Variants in NFX1 observed in about 807,000 individuals in gnomAD.
NFX1 encodes the protein nuclear transcription factor, X-box binding 1.
In NFX1, 69 loss-of-function variants were observed where a neutral mutation model predicts 137.2. The observed-to-expected ratio is 0.50, with a 90% CI of 0.41 to 0.61. NFX1 has a LOEUF of 0.61. Ranked by LOEUF, NFX1 falls within the 20% of genes least tolerant of loss-of-function variation. The pLI is 0.00. For synonymous variants in NFX1, 495 were observed against 474.1 expected, an observed-to-expected ratio of 1.04 and a Z score of -0.57; for missense variants, 1,167 against 1,391.0, an observed-to-expected ratio of 0.84 and a Z score of 2.56.
At chr9:33,309,799 T>C (rs971182048) in intron 5 of NFX1, among the ~76,000 whole-genome samples, 2 of 152,144 alleles carry the variant, frequency 1.3e-5, no homozygotes, top group African/African-American at 4.8e-5. Flanking sequence ...GGTGTGAACA[T>C]CAATATTTTT....
intron 15 of NFX1, among the ~76,000 whole-genome samples, chr9:33,347,438 ATGT>A (rs1823465261): frequency 6.6e-6 from 1 of 152,072 alleles, no homozygotes. Flanking sequence ...CTGAAAACCA[ATGT>A]TGTCTGTTCC....
chr9:33,290,776 G>T (rs1821128743), intron 1 of NFX1, among the ~76,000 whole-genome samples, 179 bp downstream of exon 1: 1 of 152,264 alleles, frequency 6.6e-6, no homozygotes. Context: ...TGTCTTCTTG[G>T]ACTAGATGGT....
chr9:33,292,797 C>T (rs1217422630), intron 1 of NFX1, among the ~76,000 whole-genome samples: 1 of 152,230 alleles, frequency 6.6e-6, no homozygotes, highest in Non-Finnish European at 1.5e-5. Context: ...CTAGGCTTCT[C>T]TAGACATCTT....
At chr9:33,291,896 T>C (rs1421664307) in intron 1 of NFX1, among the ~76,000 whole-genome samples, 2 of 152,054 alleles carry the variant, frequency 1.3e-5, no homozygotes, top group African/African-American at 4.8e-5. Flanking sequence ...GAGTGTGACT[T>C]CGTCTCAAAA....
At position 33,354,674 on chromosome 9, in the gene NFX1, A is replaced by G. The variant is rs914658632; in HGVS notation, c.2832-177A>G. ...CTGGGGAAATGGTATTTCTAGGGCA[A>G]GGTTACTAATGGAAACTGAAGAGCA... On this transcript the variant is annotated intron_variant, in intron 18 of 23. Coordinates refer to ENST00000379540, the MANE Select transcript of NFX1 (RefSeq NM_002504.6). Among the ~76,000 whole-genome samples, 7 of 152,264 alleles carry G rather than the reference A, an allele frequency of 4.6e-5. No individual in the cohort carries two copies. The East Asian group carries it at 1.4e-3, about 29-fold the overall frequency.
intron 9 of NFX1, 112 bp from the exon 10 acceptor site, chr9:33,328,469 G>A (rs1564123829): frequency 1.4e-6 from 1 of 719,156 alleles, no homozygotes; most frequent in Non-Finnish European, 2.5e-6. Context: ...CCTCAACTCT[G>A]ATTCTGGAGT....
chr9:33,297,826 G>A (rs1365281230), intron 2 of NFX1, among the ~76,000 whole-genome samples: 1 of 152,144 alleles, frequency 6.6e-6, no homozygotes, highest in Admixed American at 6.5e-5. Context: ...ACTTCTGTTT[G>A]ATTTTCAACT....
chr9:33,317,663 T>TA (rs34181227), intron 7 of NFX1, among the ~76,000 whole-genome samples: 4,322 of 144,714 alleles, frequency 0.03, 183 homozygotes, highest in African/African-American at 0.097. Context: ...ATCCTGTCTT[T>TA]AAAAAAAAAA....
intron 7 of NFX1, among the ~76,000 whole-genome samples, chr9:33,314,938 GA>G (rs1006821997): frequency 2.0e-5 from 3 of 151,962 alleles, no homozygotes; most frequent in South Asian, 4.1e-4. Flanking sequence ...ACATCAATGG[GA>G]AAAAAAGTAG....
intron 11 of NFX1, among the ~76,000 whole-genome samples, chr9:33,337,860 C>A (rs1202581891): frequency 6.6e-6 from 1 of 151,888 alleles, no homozygotes; most frequent in Non-Finnish European, 1.5e-5. Context: ...ACCAGCCTGG[C>A]CAACATGGCG....
At chr9:33,361,265 A>C (rs901766118) in intron 19 of NFX1, among the ~76,000 whole-genome samples, 1 of 152,216 alleles carries the variant, frequency 6.6e-6, no homozygotes, top group African/African-American at 2.4e-5. Flanking sequence ...AGAAATGCTA[A>C]CAAGATAATG....
Position 33,364,852 on chromosome 9 carries a change from A to G in NFX1, c.3039+78A>G, listed in dbSNP as rs762175151. ...AAAAAAAAGCAATCAAGTCCTGGAA[A>G]CACTTTCAACCTAGAGTAGTTGTAG... On this transcript the variant is annotated intron_variant, in intron 21 of 23. Coordinates refer to ENST00000379540, the MANE Select transcript of NFX1 (RefSeq NM_002504.6). The G allele has an allele frequency of 3.2e-6, 5 of 1,576,626 alleles. No individual in the cohort carries two copies. In the East Asian group the frequency reaches 9.2e-5, roughly 29 times the overall value.
At chr9:33,319,338 A>G (rs1303358034) in intron 9 of NFX1, among the ~76,000 whole-genome samples, 2 of 152,118 alleles carry the variant, frequency 1.3e-5, no homozygotes, top group African/African-American at 4.8e-5. Context: ...TGATTCAGGT[A>G]TTTTATTGTT....
intron 19 of NFX1, among the ~76,000 whole-genome samples, chr9:33,362,459 C>T (rs1426284875): frequency 2.0e-5 from 3 of 152,026 alleles, no homozygotes. Context: ...CTGTCATTTG[C>T]AACAACATGG....
chr9:33,295,201 T>A lies in NFX1; in HGVS notation c.807T>A (p.His269Gln). 1 of 1,613,936 alleles carries A rather than the reference T, an allele frequency of 6.2e-7. No homozygotes were observed. Among genetic ancestry groups the A allele is most frequent in the Non-Finnish European group, 8.5e-7 (1 of 1,179,994 alleles). ...RNPPKQEGHR[H>Q]TNAGHRNNMG... ...CACCAAAACAGGAGGGCCACCGACA[T>A]ACAAACGCAGGACACAGAAACAACA... The change falls in exon 2 of 24, where the codon CAT (histidine) becomes CAA (glutamine). Residue 269 changes from histidine (H) to glutamine (Q), a missense_variant. By Grantham distance (24) the His-to-Gln change is conservative. Transcript: ENST00000379540.
chr9:33,316,033 T>TC (rs1822150912), intron 7 of NFX1, among the ~76,000 whole-genome samples: 1 of 152,186 alleles, frequency 6.6e-6, no homozygotes, highest in Non-Finnish European at 1.5e-5. Flanking sequence ...ATTAAATGTG[T>TC]CCTGATTATT....
chr9:33,322,810 A>G (rs924477484), intron 9 of NFX1, among the ~76,000 whole-genome samples: 1 of 152,196 alleles, frequency 6.6e-6, no homozygotes, highest in Non-Finnish European at 1.5e-5. Context: ...GTGGGGAAGT[A>G]CAGGCCTAAG....
rs573762705 is a variant in NFX1 at position 33,294,978 on chromosome 9, G to T, written c.584G>T (p.Arg195Leu). The T allele has an allele frequency of 6.2e-6, 10 of 1,614,158 alleles. No individual in the cohort carries two copies. Among genetic ancestry groups the T allele is most frequent in the Admixed American group, 5.0e-5 (3 of 60,024 alleles). The part of the protein sequence containing the change: ...KGKLKCEWSN[R>L]TTPKPEDAGP... ...AAACTCAAATGTGAATGGAGTAACCGAACAACTCCAAAACCGGAGGATGCT... is the reference window on the plus strand; with the variant it reads ...AAACTCAAATGTGAATGGAGTAACCTAACAACTCCAAAACCGGAGGATGCT... The change falls in exon 2 of 24, where the codon CGA (arginine) becomes CTA (leucine). Residue 195 changes from arginine to leucine, a missense_variant. Arg to Leu is a moderately radical substitution (Grantham distance 102, BLOSUM62 -2). This residue lies in a region of NFX1 where 367 missense variants were observed against 386.7 expected (regional missense o/e 0.95). Coordinates refer to ENST00000379540, the MANE Select transcript of NFX1 (RefSeq NM_002504.6).
At chr9:33,352,829 G>T in intron 17 of NFX1, 110 bp downstream of exon 17, 1 of 446,352 alleles carries the variant, frequency 2.2e-6, no homozygotes, top group South Asian at 2.0e-5. Flanking sequence ...GAGAAGAAAC[G>T]AAGTCTGTAA....
Sources: gnomAD v4.1 joint callset for allele counts (sites outside exome capture counted in the v4.1 genomes callset) on GRCh38, gnomAD v4.1.1 for gene constraint, gnomAD v4.1.1 regional missense constraint, MANE v1.5 for transcripts, NCBI Gene and HGNC (gene_info 2026-07-23, HGNC 2026-07-21) for gene names.